The following ZFAND1 variants were observed in gnomAD, a reference collection of about 807,000 sequenced individuals.
ZFAND1 encodes zinc finger AN1-type containing 1, also known as AN1-type zinc finger protein 1.
A neutral mutation model predicts 38.5 loss-of-function variants in ZFAND1; 40 were observed. That is an observed-to-expected ratio of 1.04 (90% CI 0.81 to 1.35). The LOEUF (loss-of-function observed/expected upper bound fraction) is 1.35, where lower values mean the gene tolerates loss of function less well. Ranked by LOEUF, ZFAND1 falls within the 40% of genes most tolerant of loss-of-function variation. The pLI, the probability that ZFAND1 is intolerant of heterozygous loss-of-function variation, is 0.00. For synonymous variants in ZFAND1, 117 were observed against 103.6 expected, an observed-to-expected ratio of 1.13 and a Z score of -0.78; for missense variants, 346 against 316.3, an observed-to-expected ratio of 1.09 and a Z score of -0.71.
chr8:81,716,965 A>G (rs1410022817), intron 3 of ZFAND1, among the ~76,000 whole-genome samples: 1 of 152,166 alleles, frequency 6.6e-6, no homozygotes, highest in Admixed American at 6.5e-5. Flanking sequence ...ACAAAACAAA[A>G]CAAACAAATA....
At position 81,721,208 on chromosome 8, in the gene ZFAND1, C is replaced by T. The variant is rs1405904989; in HGVS notation, c.55+19G>A. 4 of 1,546,946 alleles carry T rather than the reference C, an allele frequency of 2.6e-6. No homozygotes were observed. The highest frequency in any genetic ancestry group is 1.7e-6 in the Non-Finnish European group (2 of 1,146,840). ...GGTCTCCCGCGGCCGGGGATGGGGG[C>T]TGGAAGCTCCCGGATCACCTCGCTG... On this transcript the variant is annotated intron_variant, in intron 1 of 7. Transcript: ENST00000220669.
rs143339634 is a variant in ZFAND1, at chr8:81,708,204, C to T, written c.481-5080G>A. Among the ~76,000 whole-genome samples the T allele has an allele frequency of 1.2e-3, 177 of 146,020 alleles. 1 individual carries two copies. The highest frequency in any genetic ancestry group is 4.3e-3 in the African/African-American group (168 of 39,362). On this transcript the variant is annotated intron_variant, in intron 6 of 7. Coordinates refer to ENST00000220669, the MANE Select transcript of ZFAND1 (RefSeq NM_024699.3). ...GGCAGATGTTGCAGTGAGCTGAGAT[C>T]GCACCATTGCGCTCCAGACTGGGCA... is the stretch of plus-strand genomic sequence containing the variant.
intron 6 of ZFAND1, among the ~76,000 whole-genome samples, chr8:81,705,619 A>G (rs1262664151): frequency 1.3e-5 from 2 of 152,208 alleles, no homozygotes; most frequent in South Asian, 2.1e-4. Flanking sequence ...ATAAAGAGAC[A>G]TAAGATAGAA....
chr8:81,705,527 T>C (rs1160781437), intron 6 of ZFAND1, among the ~76,000 whole-genome samples: 1 of 152,248 alleles, frequency 6.6e-6, no homozygotes, highest in Non-Finnish European at 1.5e-5. Flanking sequence ...TCAAAATTTA[T>C]TATAGATAAG....
rs1382079998 is a variant in ZFAND1 at position 81,703,758 on chromosome 8, T to C, written c.481-634A>G. On this transcript the variant is annotated intron_variant, in intron 6 of 7. Coordinates refer to ENST00000220669, the MANE Select transcript of ZFAND1 (RefSeq NM_024699.3). ...TTTTTAAGTTTTATCAAATTAAACC[T>C]GGAGTTGCCTACAGCAAACCCCGTC... Among the ~76,000 whole-genome samples the C allele has an allele frequency of 3.9e-5, 6 of 152,258 alleles. No individual in the cohort carries two copies. In the East Asian group the frequency reaches 1.2e-3, roughly 29 times the overall value.
intron 2 of ZFAND1, 115 bp from the exon 3 acceptor site, chr8:81,717,403 A>T (rs554738196): frequency 1.5e-6 from 1 of 645,356 alleles, no homozygotes; most frequent in African/African-American, 1.9e-5. Flanking sequence ...TACTACATTA[A>T]TAACTTTGAA....
intron 6 of ZFAND1, chr8:81,708,939 T>C (rs1284433010): frequency 2.9e-6 from 1 of 340,700 alleles, no homozygotes; most frequent in Non-Finnish European, 4.7e-6. Flanking sequence ...TCAATGAAAT[T>C]TGATTCGAAA....
Position 81,703,027 on chromosome 8 carries a change from A to G in ZFAND1, c.578T>C (p.Ile193Thr). Residue 193 changes from isoleucine to threonine, a missense_variant, in exon 7 of 8, where the codon ATA becomes ACA. Coordinates refer to ENST00000220669, the MANE Select transcript of ZFAND1 (RefSeq NM_024699.3). ...FCHRWSIGKAIDFAASLARLK... is the reference protein window; with the variant it reads ...FCHRWSIGKATDFAASLARLK... ...CCTGGCTAGAGAAGCGGCAAAGTCT[A>G]TGGCCTTTCCAATGCTCCATCGGTG... is the stretch of plus-strand genomic sequence containing the variant. 3 of 1,583,880 alleles carry G rather than the reference A, an allele frequency of 1.9e-6. No individual in the cohort carries two copies. Among genetic ancestry groups the G allele is most frequent in the East Asian group, 2.3e-5 (1 of 44,212 alleles).
At chr8:81,707,746 G>A (rs969013233) in intron 6 of ZFAND1, among the ~76,000 whole-genome samples, 2 of 152,104 alleles carry the variant, frequency 1.3e-5, no homozygotes, top group African/African-American at 4.8e-5. Flanking sequence ...TGAGTAGACT[G>A]TAACAGAAAA....
At chr8:81,721,149 G>T in intron 1 of ZFAND1, 78 bp downstream of exon 1, 1 of 1,522,412 alleles carries the variant, frequency 6.6e-7, no homozygotes. Flanking sequence ...CCCTTCACCC[G>T]CCGCCACCAT....
At chr8:81,714,688 G>A in intron 5 of ZFAND1, 116 bp downstream of exon 5, 2 of 844,742 alleles carry the variant, frequency 2.4e-6, no homozygotes, top group South Asian at 1.7e-5. Context: ...CAAAATACAA[G>A]TTAATACGAA....
At chr8:81,709,386 G>T (rs1483019573) in intron 6 of ZFAND1, among the ~76,000 whole-genome samples, 1 of 152,056 alleles carries the variant, frequency 6.6e-6, no homozygotes, top group Non-Finnish European at 1.5e-5. Flanking sequence ...GGGCAGAAGG[G>T]ATTCTGTTTT....
chr8:81,712,618 A>G (rs1808173083), intron 6 of ZFAND1, among the ~76,000 whole-genome samples: 1 of 152,190 alleles, frequency 6.6e-6, no homozygotes, highest in Non-Finnish European at 1.5e-5. Flanking sequence ...AATGACAACA[A>G]AAATTATAAA....
intron 3 of ZFAND1, 40 bp from the exon 4 acceptor site, chr8:81,715,154 C>A (rs752156987): frequency 3.1e-6 from 5 of 1,603,632 alleles, no homozygotes; most frequent in African/African-American, 1.3e-5. Flanking sequence ...ACATTTCAGA[C>A]CTAAAACAAA....
At chr8:81,719,583 TTAATAA>T (rs1808413734) in intron 1 of ZFAND1, among the ~76,000 whole-genome samples, 1 of 152,114 alleles carries the variant, frequency 6.6e-6, no homozygotes, top group Non-Finnish European at 1.5e-5. Flanking sequence ...TTTGCGACTT[TTAATAA>T]TCAAGTATTA....
intron 6 of ZFAND1, among the ~76,000 whole-genome samples, chr8:81,706,297 G>A (rs1807976753): frequency 7.5e-6 from 1 of 134,074 alleles, no homozygotes; most frequent in Non-Finnish European, 1.5e-5. Flanking sequence ...TTTATTACCA[G>A]AGACCTTTAT....
chr8:81,702,815 A>G lies in ZFAND1; in HGVS notation c.687T>C (p.His229=), dbSNP rs1279804437. The change falls in exon 8 of 8, where the codon CAT becomes CAC. Residue 229 remains histidine (H), a synonymous_variant. Coordinates refer to ENST00000220669, the MANE Select transcript of ZFAND1 (RefSeq NM_024699.3). The part of the protein sequence containing the change: ...ITSGEALPLD[H]TLETWIAKED... ...CCTTAGCAATCCAGGTTTCCAAAGT[A>G]TGATCCAAGGGTAAGGCTTCTCCTG... 2 of 1,609,252 alleles carry G rather than the reference A, an allele frequency of 1.2e-6. No individual in the cohort carries two copies. Among genetic ancestry groups the G allele is most frequent in the South Asian group, 2.2e-5 (2 of 89,926 alleles).
At chr8:81,714,666 C>T (rs1808245430) in intron 5 of ZFAND1, 138 bp downstream of exon 5, 1 of 751,248 alleles carries the variant, frequency 1.3e-6, no homozygotes, top group Non-Finnish European at 2.2e-6. Context: ...AATACTGTCA[C>T]AAGAATATCA....
At chr8:81,707,330 C>T (rs1177079739) in intron 6 of ZFAND1, among the ~76,000 whole-genome samples, 1 of 152,218 alleles carries the variant, frequency 6.6e-6, no homozygotes. Context: ...GTCAAATCCT[C>T]ACTTCCTCCA....
Sources: gnomAD v4.1 joint callset for allele counts (sites outside exome capture counted in the v4.1 genomes callset) on GRCh38, gnomAD v4.1.1 for gene constraint, MANE v1.5 for transcripts, NCBI Gene and HGNC (gene_info 2026-07-23, HGNC 2026-07-21) for gene names.